Variants in DUOX1 observed in about 807,000 individuals in gnomAD.
The protein encoded by DUOX1 is dual oxidase 1.
DUOX1 carries 134 observed loss-of-function variants against 181.8 expected under a neutral mutation model. The observed-to-expected ratio is 0.74, with a 90% confidence interval of 0.64 to 0.85. The LOEUF (loss-of-function observed/expected upper bound fraction) is 0.85. Ranked by LOEUF, DUOX1 falls within the 40% of genes least tolerant of loss-of-function variation. The pLI is 0.00. For synonymous variants in DUOX1, 798 were observed against 832.5 expected (o/e 0.96, Z 0.71); for missense variants, 1,814 against 2,064.4 (o/e 0.88, Z 2.35).
intron 21 of DUOX1, among the ~76,000 whole-genome samples, chr15:45,148,979 A>G (rs1370002088): frequency 1.3e-5 from 2 of 152,050 alleles, no homozygotes; most frequent in Non-Finnish European, 2.9e-5. Flanking sequence ...TTTGCTGAAT[A>G]CATGAAGACC....
At chr15:45,162,832 C>A (rs1379224604) in intron 31 of DUOX1, among the ~76,000 whole-genome samples, 1 of 152,200 alleles carries the variant, frequency 6.6e-6, no homozygotes, top group African/African-American at 2.4e-5. Context: ...GGCTGGTGGG[C>A]CAGGTTGGCC....
chr15:45,139,983 G>T, intron 12 of DUOX1: 1 of 956,364 alleles, frequency 1.0e-6, no homozygotes, highest in Non-Finnish European at 1.6e-6. Flanking sequence ...GTTACACCCT[G>T]AGCTACCACC....
intron 12 of DUOX1, chr15:45,140,565 A>T: frequency 4.3e-6 from 1 of 235,266 alleles, no homozygotes; most frequent in African/African-American, 2.2e-5. Flanking sequence ...TTTATAACAC[A>T]TCATTCTGCC....
chr15:45,158,984 G>A (rs570841291), intron 28 of DUOX1, among the ~76,000 whole-genome samples: 44 of 152,322 alleles, frequency 2.9e-4, no homozygotes, highest in African/African-American at 1.0e-3. Context: ...AGACTTTGAG[G>A]AGAAGACTGG....
chr15:45,155,583 AAAAAAATCATGGTGACAAGGGCTATG>A, intron 27 of DUOX1, 193 bp from the exon 28 acceptor site: 1 of 609,580 alleles, frequency 1.6e-6, no homozygotes, highest in Non-Finnish European at 2.7e-6. Context: ...AAAAAAAAAA[AAAAAAATCATGGTGACAAGGGCTATG>A]AAAAGTGAAC....
Position 45,141,984 on chromosome 15 carries a change from G to T in DUOX1, c.1694G>T (p.Cys565Phe). 6.2e-7 allele frequency: 1 copy of T among 1,611,744 alleles called. No individual in the cohort carries two copies. The highest frequency in any genetic ancestry group is 1.1e-5 in the South Asian group (1 of 90,846). The change falls in exon 15 of 34, where the codon TGT becomes TTT. Residue 565 changes from cysteine (C) to phenylalanine (F), a missense_variant. This residue lies in a region of DUOX1 where 1,064 missense variants were observed against 1,152.9 expected (regional missense o/e 0.92). Transcript: ENST00000389037. ...NVFVWHKGDP[C>F]PQPRQLSTEG... The stretch of plus-strand genomic sequence containing the variant: ...TCCTCTGCCTTCCCAGGAGACCCCT[G>T]TCCGCAGCCGAGACAGCTCAGCACT...
At chr15:45,152,175 C>T in intron 24 of DUOX1, 111 bp from the exon 25 acceptor site, 3 of 1,469,916 alleles carry the variant, frequency 2.0e-6, no homozygotes, top group Non-Finnish European at 2.8e-6. Flanking sequence ...TGAGTGAAGA[C>T]TGTGCGGGGG....
At position 45,161,643 on chromosome 15, in the gene DUOX1, A is replaced by G; in HGVS notation, c.3857-95A>G. On this transcript the variant is annotated intron_variant, in intron 29 of 33. Transcript: ENST00000389037. ...GGGGAGGCCTCCTTTGTCATATTCC[A>G]GAAGCAGAGCTGAGGCTGTGGGTGG... 1.8e-6 allele frequency: 2 copies of G among 1,130,706 alleles called. 1 individual carries two copies. Among genetic ancestry groups the G allele is most frequent in the Non-Finnish European group, 2.6e-6 (2 of 773,428 alleles). 70.0% of individuals were successfully genotyped at this position (1,130,706 alleles called of 1,614,324 possible).
At chr15:45,134,033 G>A (rs1896218968) in intron 3 of DUOX1, 86 bp downstream of exon 3, 1 of 1,573,682 alleles carries the variant, frequency 6.4e-7, no homozygotes, top group Non-Finnish European at 8.6e-7. Flanking sequence ...TACCAGCAAA[G>A]GCCATCCATT....
Position 45,155,867 on chromosome 15 carries a change from C to T in DUOX1, c.3640C>T (p.Arg1214Cys), listed in dbSNP as rs928161589. Reference sequence around the variant, plus strand: ...GTATGTCTTTGCCTCCCACCACTTCCGCCGCCGCAGTTTCCGGGGCTTCTG... The same window carrying T: ...GTATGTCTTTGCCTCCCACCACTTCTGCCGCCGCAGTTTCCGGGGCTTCTG... ...IMYVFASHHFRRRSFRGFWLT... is the reference protein window; with the variant it reads ...IMYVFASHHFCRRSFRGFWLT... The change falls in exon 28 of 34, where the codon CGC (arginine) becomes TGC (cysteine). Residue 1214 changes from arginine (R) to cysteine (C), a missense_variant. Physicochemically the swap from Arg to Cys is radical, Grantham distance 180. Around this residue, in one of 5 missense-constraint regions of DUOX1, gnomAD observed 279 missense variants for 381.9 expected, o/e 0.73. Transcript: ENST00000389037. The T allele has an allele frequency of 2.0e-5, 32 of 1,613,986 alleles. No homozygotes were observed. Among genetic ancestry groups the T allele is most frequent in the African/African-American group, 4.0e-5 (3 of 74,884 alleles).
intron 28 of DUOX1, among the ~76,000 whole-genome samples, chr15:45,160,157 C>T (rs906997321): frequency 1.3e-5 from 2 of 151,988 alleles, no homozygotes; most frequent in African/African-American, 2.4e-5. Context: ...GTCCCCCCAA[C>T]CCCCAAAAAA....
intron 1 of DUOX1, among the ~76,000 whole-genome samples, chr15:45,130,382 C>T (rs1595570934): frequency 1.3e-5 from 2 of 152,324 alleles, no homozygotes; most frequent in African/African-American, 4.8e-5. Flanking sequence ...ACCAGCACAA[C>T]ATACCAGGGA....
At chr15:45,138,771 G>C (rs187222508) in intron 10 of DUOX1, 162 of 369,760 alleles carry the variant, frequency 4.4e-4, no homozygotes, top group South Asian at 1.4e-3. Context: ...AGAGGACTAA[G>C]ACCTAGATCT....
At chr15:45,139,681 C>T in intron 12 of DUOX1, 82 bp downstream of exon 12, 2 of 1,427,794 alleles carry the variant, frequency 1.4e-6, no homozygotes, top group South Asian at 3.0e-5. Context: ...GGCAGTGAAA[C>T]TTGAGCACAA....
rs996661882 is a variant in DUOX1 at position 45,150,852 on chromosome 15, T to C, written c.2888+151T>C. 9 of 847,738 alleles carry C rather than the reference T, an allele frequency of 1.1e-5. No individual in the cohort carries two copies. In the South Asian group the frequency reaches 1.4e-4, roughly 13 times the overall value. 52.5% of individuals were successfully genotyped at this position (847,738 alleles called of 1,614,324 possible). On this transcript the variant is annotated intron_variant, in intron 22 of 33. Transcript: ENST00000389037. ...CCCTTTCTCTAGGCAGACACAGCCC[T>C]GTGCCAGGGCAAGCAGAAAGCCTGC...
In DUOX1 at chr15:45,160,943, G is replaced by A. The variant is rs144438889; in HGVS notation, c.3809G>A (p.Arg1270Gln). The A allele has an allele frequency of 4.8e-5, 78 of 1,614,150 alleles. No homozygotes were observed. In the Middle Eastern group the frequency reaches 1.6e-3, roughly 34 times the overall value. Residue 1270 changes from arginine to glutamine, a missense_variant, in exon 29 of 34, where the codon CGG becomes CAG. Physicochemically the swap from Arg to Gln is conservative, Grantham distance 43. This residue lies in a region of DUOX1 where 279 missense variants were observed against 381.9 expected (regional missense o/e 0.73). Coordinates refer to ENST00000389037, the MANE Select transcript of DUOX1 (RefSeq NM_175940.3). ...YGGDKLVSLS[R>Q]KKVEISVVKA... ...GGCGACAAGCTGGTGAGCCTGAGCC[G>A]GAAGAAGGTGGAGATCAGCGTGGTG...
chr15:45,144,139 C>T lies in DUOX1; in HGVS notation c.2040C>T (p.Thr680=). 1.9e-6 allele frequency: 3 copies of T among 1,614,090 alleles called. No homozygotes were observed. Among genetic ancestry groups the T allele is most frequent in the Non-Finnish European group, 2.5e-6 (3 of 1,180,034 alleles). Residue 680 remains threonine, a synonymous_variant, in exon 17 of 34, where the codon ACC becomes ACT. Transcript: ENST00000389037. ...VVDGRLTVLR[T]IQLQPPQKVN... is the part of the protein sequence containing the mutation. The stretch of plus-strand genomic sequence containing the variant: ...ATGGCAGGCTCACCGTGCTCCGCAC[C>T]ATCCAGCTGCAGCCTCCACAGAAGG...
At chr15:45,152,259 G>C (rs750680507) in intron 24 of DUOX1, 27 bp from the exon 25 acceptor site, 5 of 1,599,566 alleles carry the variant, frequency 3.1e-6, no homozygotes, top group Non-Finnish European at 4.3e-6. Context: ...ACTGACCCTC[G>C]CTTGCCTGCC....
rs190147575 is a variant in DUOX1, at chr15:45,148,342, C to T, written c.2713C>T (p.Arg905Trp). ...QLAEVVESMF[R>W]ESGFQDKEEL... is the part of the protein sequence containing the mutation. ...GGCTGAGGTGGTGGAGTCCATGTTC[C>T]GGGAGTCGGGATTCCAGGACAAGGA... Residue 905 changes from arginine to tryptophan, a missense_variant, in exon 21 of 34, where the codon CGG becomes TGG. By Grantham distance (101) the Arg-to-Trp change is moderately radical. Coordinates refer to ENST00000389037, the MANE Select transcript of DUOX1 (RefSeq NM_175940.3). The T allele has an allele frequency of 3.0e-5, 49 of 1,614,182 alleles. No homozygotes were observed. The highest frequency in any genetic ancestry group is 1.6e-4 in the Middle Eastern group (1 of 6,062).
Sources: allele counts gnomAD v4.1 joint callset (sites outside exome capture counted in the v4.1 genomes callset), GRCh38; gene constraint gnomAD v4.1.1; regional missense constraint gnomAD v4.1.1; transcripts MANE v1.5; gene names NCBI Gene and HGNC (gene_info 2026-07-23, HGNC 2026-07-21).